The following PABPC4L variants were observed in gnomAD, a reference collection of about 807,000 sequenced individuals.
PABPC4L encodes poly(A) binding protein cytoplasmic 4 like.
For synonymous variants in PABPC4L, 169 were observed against 164.1 expected, an observed-to-expected ratio of 1.03 and a Z score of -0.23; for missense variants, 452 against 451.4, an observed-to-expected ratio of 1.00 and a Z score of -0.01.
the PABPC4L span, among the ~76,000 whole-genome samples, chr4:134,097,800 G>A: frequency 6.6e-6 from 1 of 151,838 alleles, no homozygotes; most frequent in African/African-American, 2.4e-5. Context: ...TGTTTTATTT[G>A]TATGTCAGCT....
the PABPC4L span, among the ~76,000 whole-genome samples, chr4:133,998,569 T>C: frequency 6.6e-6 from 1 of 152,046 alleles, no homozygotes; most frequent in East Asian, 1.9e-4. Flanking sequence ...CCCATTACCC[T>C]AGAAAAGATC....
chr4:134,020,210 A>G, the PABPC4L span, among the ~76,000 whole-genome samples: 1 of 152,138 alleles, frequency 6.6e-6, no homozygotes, highest in Non-Finnish European at 1.5e-5. Flanking sequence ...TAAAGTAGTG[A>G]AAGTACAGCT....
chr4:134,108,623 A>G, the PABPC4L span, among the ~76,000 whole-genome samples: 1 of 151,868 alleles, frequency 6.6e-6, no homozygotes, highest in South Asian at 2.1e-4. Context: ...TTGAATCTTG[A>G]TTTTTACAGG....
the PABPC4L span, among the ~76,000 whole-genome samples, chr4:134,096,380 C>T: frequency 6.6e-6 from 1 of 151,632 alleles, no homozygotes; most frequent in Non-Finnish European, 1.5e-5. Flanking sequence ...ACTAGTTGTG[C>T]CTTAAGATCA....
the PABPC4L span, among the ~76,000 whole-genome samples, chr4:134,107,444 A>C: frequency 1.3e-5 from 2 of 151,680 alleles, no homozygotes; most frequent in African/African-American, 4.8e-5. Context: ...TGTTTACTTA[A>C]AGGAAGTAAT....
chr4:134,061,766 A>C, the PABPC4L span, among the ~76,000 whole-genome samples: 1 of 151,834 alleles, frequency 6.6e-6, no homozygotes, highest in African/African-American at 2.4e-5. Context: ...CAAGAAGTGA[A>C]GCATAAATGC....
At chr4:134,046,881 T>C in the PABPC4L span, among the ~76,000 whole-genome samples, 3 of 152,184 alleles carry the variant, frequency 2.0e-5, no homozygotes, top group Non-Finnish European at 4.4e-5. Flanking sequence ...TAACAGCATC[T>C]CAAGGCAAAA....
the PABPC4L span, among the ~76,000 whole-genome samples, chr4:134,081,145 G>A: frequency 9.2e-5 from 14 of 152,138 alleles, no homozygotes; most frequent in Non-Finnish European, 2.1e-4. Flanking sequence ...TATTAAGAAG[G>A]ACTGTTACTA....
At chr4:133,996,574 C>A in the PABPC4L span, among the ~76,000 whole-genome samples, 1 of 152,186 alleles carries the variant, frequency 6.6e-6, no homozygotes, top group Non-Finnish European at 1.5e-5. Flanking sequence ...GACTTACTGA[C>A]TGTGCAGTCT....
At chr4:134,169,578 A>T in the PABPC4L span, among the ~76,000 whole-genome samples, 73 of 152,226 alleles carry the variant, frequency 4.8e-4, no homozygotes, top group Non-Finnish European at 4.1e-4. Context: ...GAACTAATAA[A>T]CAAATTCAGT....
At chr4:134,195,107 T>G (rs1260353890), downstream of PABPC4L, among the ~76,000 whole-genome samples, 1 of 151,732 alleles carries the variant, frequency 6.6e-6, no homozygotes, top group East Asian at 1.9e-4. Context: ...GAGTGGTGAA[T>G]AATACTAGGC....
chr4:134,167,977 G>A, the PABPC4L span, among the ~76,000 whole-genome samples: 3 of 151,976 alleles, frequency 2.0e-5, no homozygotes, highest in Non-Finnish European at 4.4e-5. Flanking sequence ...TATAACAGCA[G>A]CCAACTTCAC....
At chr4:134,165,019 A>G in the PABPC4L span, among the ~76,000 whole-genome samples, 1 of 152,166 alleles carries the variant, frequency 6.6e-6, no homozygotes, top group South Asian at 2.1e-4. Context: ...ACACAAAAAC[A>G]TAAACTGGGG....
the PABPC4L span, among the ~76,000 whole-genome samples, chr4:134,110,730 T>G: frequency 1.1e-3 from 162 of 152,034 alleles, no homozygotes; most frequent in African/African-American, 3.8e-3. Flanking sequence ...ACCTCCTGTA[T>G]ATGTTAAATC....
the PABPC4L span, among the ~76,000 whole-genome samples, chr4:134,055,457 C>A: frequency 1.3e-5 from 2 of 151,638 alleles, no homozygotes; most frequent in African/African-American, 2.4e-5. Flanking sequence ...AAAGAAAGGC[C>A]TCTCTAGCAA....
the PABPC4L span, among the ~76,000 whole-genome samples, chr4:133,997,952 T>C: frequency 3.3e-5 from 5 of 151,984 alleles, no homozygotes; most frequent in Non-Finnish European, 5.9e-5. Context: ...ATCAGCAATA[T>C]CTTCTCATTT....
At chr4:134,100,651 T>C in the PABPC4L span, among the ~76,000 whole-genome samples, 1 of 151,754 alleles carries the variant, frequency 6.6e-6, no homozygotes, top group South Asian at 2.1e-4. Flanking sequence ...CACCGAATTG[T>C]ATTCTGGGTT....
the PABPC4L span, among the ~76,000 whole-genome samples, chr4:133,951,409 C>A: frequency 2.6e-5 from 4 of 152,158 alleles, no homozygotes; most frequent in Admixed American, 2.0e-4. Flanking sequence ...AACTATCTCC[C>A]AGCTTTTTTG....
the PABPC4L span, among the ~76,000 whole-genome samples, chr4:134,013,463 TAAG>T: frequency 6.6e-6 from 1 of 152,008 alleles, no homozygotes; most frequent in Non-Finnish European, 1.5e-5. Context: ...CCTGTGTTCT[TAAG>T]AACTTAAAAC....
Sources: allele counts gnomAD v4.1 joint callset (sites outside exome capture counted in the v4.1 genomes callset), GRCh38; gene constraint gnomAD v4.1.1; transcripts MANE v1.5; gene names NCBI Gene and HGNC (gene_info 2026-07-23, HGNC 2026-07-21).